The following MAGEA4 variants were observed in gnomAD, a reference collection of about 807,000 sequenced individuals.
The protein encoded by MAGEA4 is melanoma-associated antigen 4.
In MAGEA4, 1 loss-of-function variant was observed where a neutral mutation model predicts 13.7. The ratio of observed to expected loss-of-function variants is 0.07; its 90% CI spans 0.03 to 0.35. MAGEA4 has a LOEUF of 0.35. Among genes scored for constraint, MAGEA4 ranks in the 10% least tolerant of loss-of-function variants. The pLI is 0.99. For missense variants in MAGEA4, 312 were observed against 245.1 expected, an observed-to-expected ratio of 1.27 and a Z score of -1.82; for synonymous variants, 132 against 101.1, an observed-to-expected ratio of 1.31 and a Z score of -1.83.
intron 1 of MAGEA4, among the ~76,000 whole-genome samples, chrX:151,921,173 C>T (rs1425706935): frequency 8.9e-6 from 1 of 112,548 alleles, no homozygotes; most frequent in Non-Finnish European, 1.9e-5. Context: ...TTTCCCATTC[C>T]TTGCCCTCCA....
At chrX:151,920,904 C>T (rs1196365862) in intron 1 of MAGEA4, among the ~76,000 whole-genome samples, 3 of 110,137 alleles carry the variant, frequency 2.7e-5, no homozygotes, top group Non-Finnish European at 5.7e-5. Flanking sequence ...ATAGAGGGTC[C>T]CAGCCCTGGA....
intron 1 of MAGEA4, among the ~76,000 whole-genome samples, chrX:151,922,156 C>T (rs766006290): frequency 9.0e-6 from 1 of 110,893 alleles, no homozygotes; most frequent in African/African-American, 3.3e-5. Flanking sequence ...ATCTACAGGA[C>T]CCAAGGTGTG....
chrX:151,913,529 G>C, intron 1 of MAGEA4: 1 of 748,641 alleles, frequency 1.3e-6, no homozygotes, highest in Non-Finnish European at 1.6e-6. Flanking sequence ...GAGCTGCTCT[G>C]TCTGACCAGC....
Position 151,923,388 on chromosome X carries a change from A to G in MAGEA4, c.-137-65A>G, listed in dbSNP as rs952496271. ...GTCTGGCCTCACCTCCCTACCATCA[A>G]TCCTGCAGAATCGACCTCTGCTGGC... is the stretch of plus-strand genomic sequence containing the variant. On this transcript the variant is annotated intron_variant, in intron 1 of 2. Coordinates refer to ENST00000276344, the MANE Select transcript of MAGEA4 (RefSeq NM_001011548.1). The G allele has an allele frequency of 2.3e-5, 22 of 943,180 alleles. No homozygotes were observed. In the African/African-American group the frequency reaches 3.8e-4, roughly 16 times the overall value. The allele number at this position is 943,180 out of a possible 1,213,427, so 77.7% of individuals were successfully genotyped here. A position where few individuals can be genotyped will look rare whatever the true frequency, so the allele number is the denominator to read the frequency against.
Position 151,924,664 on chromosome X carries a change from A to G in MAGEA4, c.*46A>G, listed in dbSNP as rs1933629328. 2 of 1,136,524 alleles carry G rather than the reference A, an allele frequency of 1.8e-6. No individual in the cohort carries two copies. Among genetic ancestry groups the G allele is most frequent in the Non-Finnish European group, 2.3e-6 (2 of 855,060 alleles). The allele number at this position is 1,136,524 out of a possible 1,213,427, so 93.7% of individuals were successfully genotyped here. ...TGTGGGGAAGGGGCAGGGCTGGGCC[A>G]GTGCATCTAACAGCCCTGTGCAGCA... On this transcript the variant is annotated 3_prime_UTR_variant, in exon 3 of 3. Transcript: ENST00000276344.
At chrX:151,912,819 G>A (rs772126135), upstream of MAGEA4, 49 of 103,664 alleles carry the variant, frequency 4.7e-4, no homozygotes, top group Admixed American at 5.0e-3. Context: ...CCCCGGTTCC[G>A]CCCCCGCTTT....
Position 151,924,095 on chromosome X carries a change from A to G in MAGEA4, c.431A>G (p.Tyr144Cys). 8.2e-7 allele frequency: 1 copy of G among 1,212,263 alleles called. No homozygotes were observed. The highest frequency in any genetic ancestry group is 1.7e-5 in the African/African-American group (1 of 57,931). ...AEMLERVIKNYKRCFPVIFGK... is the reference protein window; with the variant it reads ...AEMLERVIKNCKRCFPVIFGK... ...ATGCTGGAGAGAGTCATCAAAAATT[A>G]CAAGCGCTGCTTTCCTGTGATCTTC... Residue 144 changes from tyrosine (Y) to cysteine (C), a missense_variant, in exon 3 of 3, where the codon TAC becomes TGC. Coordinates refer to ENST00000276344, the MANE Select transcript of MAGEA4 (RefSeq NM_001011548.1).
upstream of MAGEA4, chrX:151,912,624 CCCCATT>C (rs1369349605): frequency 1.5e-5 from 4 of 273,689 alleles, no homozygotes; most frequent in East Asian, 1.1e-4. Flanking sequence ...CTATCCCCCA[CCCCATT>C]CCCATTCCCT....
In MAGEA4 at chrX:151,924,161, A is replaced by G. The variant is rs999831144; in HGVS notation, c.497A>G (p.Asp166Gly). 8.3e-7 allele frequency: 1 copy of G among 1,210,407 alleles called. No individual in the cohort carries two copies. The highest frequency in any genetic ancestry group is 1.7e-5 in the African/African-American group (1 of 57,278). Residue 166 changes from aspartate (D) to glycine (G), a missense_variant, in exon 3 of 3, where the codon GAC becomes GGC. Physicochemically the swap from Asp to Gly is moderately conservative, Grantham distance 94 (BLOSUM62 -1). Coordinates refer to ENST00000276344, the MANE Select transcript of MAGEA4 (RefSeq NM_001011548.1). Reference protein sequence around the residue: ...SESLKMIFGIDVKEVDPASNT... With the variant: ...SESLKMIFGIGVKEVDPASNT... Reference sequence around the variant, plus strand: ...TCCCTGAAGATGATCTTTGGCATTGACGTGAAGGAAGTGGACCCCGCCAGC... The same window carrying G: ...TCCCTGAAGATGATCTTTGGCATTGGCGTGAAGGAAGTGGACCCCGCCAGC...
Position 151,924,443 on chromosome X carries a change from G to A in MAGEA4, c.779G>A (p.Arg260Gln), listed in dbSNP as rs145834905. Reference protein sequence around the residue: ...DWVQENYLEYRQVPGSNPARY... With the variant: ...DWVQENYLEYQQVPGSNPARY... ...GTGCAGGAAAACTACCTGGAGTACC[G>A]GCAGGTACCCGGCAGTAATCCTGCG... The change falls in exon 3 of 3, where the codon CGG becomes CAG. Residue 260 changes from arginine (R) to glutamine (Q), a missense_variant. Coordinates refer to ENST00000276344, the MANE Select transcript of MAGEA4 (RefSeq NM_001011548.1). 51 of 1,210,123 alleles carry A rather than the reference G, an allele frequency of 4.2e-5. No individual in the cohort carries two copies. Among genetic ancestry groups the A allele is most frequent in the Middle Eastern group, 2.3e-4 (1 of 4,370 alleles).
chrX:151,919,105 A>G (rs1933256962), intron 1 of MAGEA4: 16 of 728,857 alleles, frequency 2.2e-5, no homozygotes, highest in Non-Finnish European at 2.6e-5. Flanking sequence ...ATCCCGCACC[A>G]CTCCTGCTAC....
rs748897879 is a variant in MAGEA4 at position 151,924,613 on chromosome X, G to C, written c.949G>C (p.Val317Leu). The C allele has an allele frequency of 8.5e-7, 1 of 1,182,023 alleles. No individual in the cohort carries two copies. Among genetic ancestry groups the C allele is most frequent in the East Asian group, 3.0e-5 (1 of 33,585 alleles). Residue 317 changes from valine (V) to leucine (L), a missense_variant, in exon 3 of 3, where the codon GTC becomes CTC. Transcript: ENST00000276344. ...EAALLEEEEGV is the reference protein window; with the variant it reads ...EAALLEEEEGL ...AGCTTTGTTAGAGGAGGAAGAGGGAGTCTGAGCATGAGTTGCAGCCAGGGC... is the reference window on the plus strand; with the variant it reads ...AGCTTTGTTAGAGGAGGAAGAGGGACTCTGAGCATGAGTTGCAGCCAGGGC...
At chrX:151,913,682 C>G (rs749842949) in intron 1 of MAGEA4, 218 of 668,976 alleles carry the variant, frequency 3.3e-4, no homozygotes, top group Middle Eastern at 1.8e-3. Flanking sequence ...GTGGGCCACC[C>G]GTGGGCGGAC....
chrX:151,919,855 C>T (rs1933328806), intron 1 of MAGEA4: 11 of 515,479 alleles, frequency 2.1e-5, no homozygotes, highest in Non-Finnish European at 2.6e-5. Flanking sequence ...CACCACCCCA[C>T]TGCCTCTGAA....
Position 151,924,604 on chromosome X carries a change from G to A in MAGEA4, c.940G>A (p.Glu314Lys), listed in dbSNP as rs147562044. The A allele has an allele frequency of 1.1e-4, 128 of 1,186,192 alleles. No individual in the cohort carries two copies. In the East Asian group the frequency reaches 2.2e-3, roughly 20 times the overall value. Residue 314 changes from glutamate (E) to lysine (K), a missense_variant, in exon 3 of 3, where the codon GAA becomes AAA. Physicochemically the swap from Glu to Lys is moderately conservative, Grantham distance 56. Coordinates refer to ENST00000276344, the MANE Select transcript of MAGEA4 (RefSeq NM_001011548.1). Reference protein sequence around the residue: ...SLREAALLEEEEGV With the variant: ...SLREAALLEEKEGV The stretch of plus-strand genomic sequence containing the variant: ...GCGTGAAGCAGCTTTGTTAGAGGAG[G>A]AAGAGGGAGTCTGAGCATGAGTTGC...
chrX:151,921,708 G>A (rs1033730516), intron 1 of MAGEA4, among the ~76,000 whole-genome samples: 2 of 112,082 alleles, frequency 1.8e-5, no homozygotes, highest in Non-Finnish European at 3.8e-5. Flanking sequence ...TCAGGCACTC[G>A]GATCTTGACA....
At chrX:151,923,365 C>G (rs369781870) in intron 1 of MAGEA4, 88 bp from the exon 2 acceptor site, 36 of 722,176 alleles carry the variant, frequency 5.0e-5, no homozygotes, top group Non-Finnish European at 6.9e-5. Flanking sequence ...TCCAAAGAGT[C>G]TGGCCTCACC....
In MAGEA4 at chrX:151,920,661, C is replaced by G. The variant is rs1933391184; in HGVS notation, c.-137-2792C>G. ...CCCAACCAGCCTCATACCCCCCTCC[C>G]CCACCCCTACCTTCATCCCCATCAG... On this transcript the variant is annotated intron_variant, in intron 1 of 2. Transcript: ENST00000276344. Among the ~76,000 whole-genome samples, 3 of 100,465 alleles carry G rather than the reference C, an allele frequency of 3.0e-5. No individual in the cohort carries two copies. In the Admixed American group the frequency reaches 3.2e-4, roughly 11 times the overall value. The allele number at this position is 100,465 out of a possible 115,157, so 87.2% of individuals were successfully genotyped here.
At chrX:151,918,908 A>G (rs994635850) in intron 1 of MAGEA4, 5 of 731,610 alleles carry the variant, frequency 6.8e-6, no homozygotes, top group Admixed American at 9.7e-5. Context: ...TTTCAACCCA[A>G]GAAAGCCCCA....
Sources: gnomAD v4.1 joint callset for allele counts (sites outside exome capture counted in the v4.1 genomes callset) on GRCh38, gnomAD v4.1.1 for gene constraint, MANE v1.5 for transcripts, NCBI Gene and HGNC (gene_info 2026-07-23, HGNC 2026-07-21) for gene names.